The following CTNND2 variants were observed in gnomAD, a reference collection of about 807,000 sequenced individuals.
The protein encoded by CTNND2 is catenin delta 2.
Under a neutral mutation model 144.4 loss-of-function variants are expected in CTNND2, and 22 were observed. That is an observed-to-expected ratio of 0.15 (90% CI 0.11 to 0.22). The LOEUF (loss-of-function observed/expected upper bound fraction) is 0.22. Ranked by LOEUF, CTNND2 falls within the 10% of genes least tolerant of loss-of-function variation. The pLI is 1.00. For synonymous variants in CTNND2, 751 were observed against 695.6 expected, an observed-to-expected ratio of 1.08 and a Z score of -1.25; for missense variants, 1,353 against 1,618.8, an observed-to-expected ratio of 0.84 and a Z score of 2.82.
chr5:11,368,415 G>A (rs767513238), intron 7 of CTNND2, among the ~76,000 whole-genome samples: 13 of 152,146 alleles, frequency 8.5e-5, no homozygotes, highest in Non-Finnish European at 1.9e-4. Flanking sequence ...TTGGGGGAGC[G>A]AGGAAAGGGT....
intron 3 of CTNND2, among the ~76,000 whole-genome samples, chr5:11,435,119 T>C (rs1166064641): frequency 7.1e-6 from 1 of 141,018 alleles, no homozygotes; most frequent in African/African-American, 3.0e-5. Flanking sequence ...TTTTTACTAT[T>C]TATTTATTTA....
chr5:11,554,286 A>G (rs961618592), intron 3 of CTNND2, among the ~76,000 whole-genome samples: 18 of 152,178 alleles, frequency 1.2e-4, no homozygotes, highest in African/African-American at 4.3e-4. Context: ...CAGTGTATGG[A>G]AAGGAAAAGA....
intron 8 of CTNND2, among the ~76,000 whole-genome samples, chr5:11,350,108 G>T (rs1755175439): frequency 1.3e-5 from 2 of 152,110 alleles, no homozygotes; most frequent in South Asian, 2.1e-4. Context: ...TTGCACTCCA[G>T]CTTGGGTGGC....
At position 11,498,752 on chromosome 5, in the gene CTNND2, T is replaced by G. The variant is rs780631769; in HGVS notation, c.287+66192A>C. 3.3e-4 allele frequency among the ~76,000 whole-genome samples: 50 copies of G among 152,224 alleles called. 1 individual carries two copies. Among genetic ancestry groups the G allele is most frequent in the Non-Finnish European group, 5.7e-4 (39 of 68,042 alleles). On this transcript the variant is annotated intron_variant, in intron 3 of 21. Transcript: ENST00000304623. ...AAAATGCTTCCCAATTCTTAAGGGT[T>G]TTTTTCCTTTACTTAAAACAAATTT...
intron 5 of CTNND2, among the ~76,000 whole-genome samples, chr5:11,405,288 G>A (rs1450297223): frequency 6.6e-6 from 1 of 152,228 alleles, no homozygotes; most frequent in South Asian, 2.1e-4. Context: ...TGTGGTTAAA[G>A]AGCTCTTCTT....
chr5:11,294,393 T>G (rs999638868), intron 9 of CTNND2, among the ~76,000 whole-genome samples: 9 of 152,190 alleles, frequency 5.9e-5, no homozygotes, highest in African/African-American at 2.2e-4. Flanking sequence ...CACTTTTTCA[T>G]GGGACATGGT....
chr5:11,873,591 C>T (rs1430839576), intron 1 of CTNND2, among the ~76,000 whole-genome samples: 2 of 152,194 alleles, frequency 1.3e-5, no homozygotes. Flanking sequence ...TATAAGTCAC[C>T]TCTCCGTTCT....
chr5:11,605,031 G>A (rs1256915881), intron 2 of CTNND2, among the ~76,000 whole-genome samples: 1 of 152,152 alleles, frequency 6.6e-6, no homozygotes, highest in Non-Finnish European at 1.5e-5. Flanking sequence ...AGAGGTTGCT[G>A]AACTCATCTT....
At chr5:11,356,396 G>T (rs1205499861) in intron 8 of CTNND2, among the ~76,000 whole-genome samples, 1 of 151,920 alleles carries the variant, frequency 6.6e-6, no homozygotes, top group Admixed American at 6.6e-5. Flanking sequence ...ATAAATTCAT[G>T]CACCTAGAGC....
intron 5 of CTNND2, among the ~76,000 whole-genome samples, chr5:11,410,492 C>T (rs1477956201): frequency 1.3e-5 from 2 of 151,954 alleles, no homozygotes; most frequent in Admixed American, 1.3e-4. Flanking sequence ...AAATGCTTCA[C>T]TGGTTTTTGA....
intron 2 of CTNND2, among the ~76,000 whole-genome samples, chr5:11,718,790 T>C (rs1786501290): frequency 6.6e-6 from 1 of 152,204 alleles, no homozygotes; most frequent in East Asian, 1.9e-4. Flanking sequence ...AGTTAAATTC[T>C]GAAAGCTCAT....
intron 2 of CTNND2, among the ~76,000 whole-genome samples, chr5:11,716,847 C>A (rs1786380650): frequency 6.6e-6 from 1 of 151,840 alleles, no homozygotes; most frequent in African/African-American, 2.4e-5. Flanking sequence ...TCATCATGCC[C>A]AGCTAAGTTT....
intron 10 of CTNND2, among the ~76,000 whole-genome samples, chr5:11,221,064 T>C (rs1043203226): frequency 6.6e-6 from 1 of 151,658 alleles, no homozygotes; most frequent in Non-Finnish European, 1.5e-5. Flanking sequence ...GCAAAGCAGA[T>C]TTTTTTTTCT....
chr5:11,072,931 C>G lies in CTNND2; in HGVS notation c.2788+9765G>C, dbSNP rs61750307. Among the ~76,000 whole-genome samples the G allele has an allele frequency of 3.9e-3, 596 of 152,348 alleles. 4 individuals carry two copies. The highest frequency in any genetic ancestry group is 0.012 in the African/African-American group (502 of 41,582). On this transcript the variant is annotated intron_variant, in intron 16 of 21. Coordinates refer to ENST00000304623, the MANE Select transcript of CTNND2 (RefSeq NM_001332.4). The stretch of plus-strand genomic sequence containing the variant: ...CCTTCTCTTCTAACTGCCTTATGCC[C>G]CCAAGGGCAGCACCACTGGCCCATC...
chr5:11,710,826 T>A (rs1367565810), intron 2 of CTNND2, among the ~76,000 whole-genome samples: 1 of 152,260 alleles, frequency 6.6e-6, no homozygotes, highest in Non-Finnish European at 1.5e-5. Context: ...GTTTGCTATG[T>A]GCATCAAAGC....
intron 2 of CTNND2, among the ~76,000 whole-genome samples, chr5:11,602,591 G>A (rs914107146): frequency 6.7e-6 from 1 of 149,922 alleles, no homozygotes; most frequent in African/African-American, 2.4e-5. Flanking sequence ...ATTCATGTTC[G>A]AAAAAGACAG....
chr5:11,235,404 T>C (rs1212044286), intron 10 of CTNND2, among the ~76,000 whole-genome samples: 1 of 152,248 alleles, frequency 6.6e-6, no homozygotes, highest in East Asian at 1.9e-4. Context: ...AGTTAACATA[T>C]GTTTGGGACA....
intron 16 of CTNND2, among the ~76,000 whole-genome samples, chr5:11,034,629 A>T (rs1213660034): frequency 6.6e-6 from 1 of 152,210 alleles, no homozygotes; most frequent in Non-Finnish European, 1.5e-5. Flanking sequence ...AGCTTTCTGG[A>T]ATCTCAGCTG....
At chr5:11,564,137 G>A (rs927369855) in intron 3 of CTNND2, among the ~76,000 whole-genome samples, 3 of 152,218 alleles carry the variant, frequency 2.0e-5, no homozygotes, top group Non-Finnish European at 4.4e-5. Flanking sequence ...ACCTTAGAGA[G>A]AAACAAACTA....
Sources: gnomAD v4.1 joint callset for allele counts (sites outside exome capture counted in the v4.1 genomes callset) on GRCh38, gnomAD v4.1.1 for gene constraint, MANE v1.5 for transcripts, NCBI Gene and HGNC (gene_info 2026-07-23, HGNC 2026-07-21) for gene names.